Variants in SLC20A2 observed in about 807,000 individuals in gnomAD.
The protein encoded by SLC20A2 is solute carrier family 20 member 2, also known as sodium-dependent phosphate transporter 2.
SLC20A2 carries 30 observed loss-of-function variants against 61.0 expected under a neutral mutation model. The observed-to-expected ratio is 0.49, with a 90% CI of 0.37 to 0.67. The LOEUF is 0.67. Ranked by LOEUF, SLC20A2 falls within the 30% of genes least tolerant of loss-of-function variation. The pLI is 0.00. For synonymous variants in SLC20A2, 351 were observed against 353.3 expected, an observed-to-expected ratio of 0.99 and a Z score of 0.07; for missense variants, 626 against 866.4, an observed-to-expected ratio of 0.72 and a Z score of 3.48.
At chr8:42,508,100 G>T (rs1035113019) in intron 1 of SLC20A2, among the ~76,000 whole-genome samples, 2 of 152,108 alleles carry the variant, frequency 1.3e-5, no homozygotes, top group Admixed American at 6.5e-5. Context: ...GGAGGTAGAG[G>T]CTGCAGTGAG....
intron 1 of SLC20A2, among the ~76,000 whole-genome samples, chr8:42,508,934 G>C (rs548451681): frequency 6.6e-6 from 1 of 152,168 alleles, no homozygotes; most frequent in African/African-American, 2.4e-5. Context: ...CTGCAGCAAG[G>C]CTACCTGGTT....
intron 1 of SLC20A2, among the ~76,000 whole-genome samples, chr8:42,489,355 A>T (rs1563517298): frequency 6.6e-6 from 1 of 152,072 alleles, no homozygotes; most frequent in Non-Finnish European, 1.5e-5. Context: ...CTTTGAACGT[A>T]CGTGTAATGG....
At chr8:42,475,128 T>TG (rs1377696489) in intron 1 of SLC20A2, among the ~76,000 whole-genome samples, 1 of 151,444 alleles carries the variant, frequency 6.6e-6, no homozygotes, top group Non-Finnish European at 1.5e-5. Context: ...TTTCCTTTTT[T>TG]TTGCTCTGTC....
intron 1 of SLC20A2, among the ~76,000 whole-genome samples, chr8:42,474,011 A>C (rs1807859575): frequency 6.6e-6 from 1 of 152,016 alleles, no homozygotes; most frequent in Non-Finnish European, 1.5e-5. Context: ...TCTCTACTAA[A>C]ACTACAAAAA....
chr8:42,418,825 C>A (rs1230963662), intron 10 of SLC20A2, among the ~76,000 whole-genome samples: 1 of 151,576 alleles, frequency 6.6e-6, no homozygotes, highest in Non-Finnish European at 1.5e-5. Flanking sequence ...GGTGAAACCC[C>A]GTCTCTACTA....
In SLC20A2 at chr8:42,437,626, T is replaced by TC; in HGVS notation, c.935-50dup. On this transcript the variant is annotated intron_variant, in intron 7 of 10. Transcript: ENST00000520262. The surrounding 1 kb of genome is among the most constrained non-coding windows in gnomAD (Gnocchi z 6.4). ...CATTTTCCAGTCTTTTTTTTTTTTTTCTTTTCTTTTTGAGACGGAGCCTTG... is the reference window on the plus strand; with the variant it reads ...CATTTTCCAGTCTTTTTTTTTTTTTTCCTTTTCTTTTTGAGACGGAGCCTTG... 1 of 1,385,684 alleles carries TC rather than the reference T, an allele frequency of 7.2e-7. No homozygotes were observed. The highest frequency in any genetic ancestry group is 9.7e-7 in the Non-Finnish European group (1 of 1,029,796). 85.8% of individuals were successfully genotyped at this position (1,385,684 alleles called of 1,614,324 possible).
chr8:42,505,893 A>G (rs984463356), upstream of SLC20A2, among the ~76,000 whole-genome samples: 3 of 146,086 alleles, frequency 2.1e-5, no homozygotes, highest in Admixed American at 2.0e-4. Flanking sequence ...TATCTCAAAG[A>G]AAAAAAAAAG....
At chr8:42,452,162 T>TAA (rs1563474136) in intron 5 of SLC20A2, among the ~76,000 whole-genome samples, 3 of 80,424 alleles carry the variant, frequency 3.7e-5, no homozygotes, top group Admixed American at 1.7e-4. Flanking sequence ...GAGGAAGAGA[T>TAA]GGAGGAGGAG....
chr8:42,534,818 T>C (rs1812603674), intron 1 of SLC20A2: 1 of 152,246 alleles, frequency 6.6e-6, no homozygotes, highest in Non-Finnish European at 1.5e-5. Context: ...AGCCAATTTC[T>C]GGGGACCAAC....
intron 2 of SLC20A2, among the ~76,000 whole-genome samples, chr8:42,469,070 CAG>C (rs1408628015): frequency 6.6e-6 from 1 of 151,870 alleles, no homozygotes; most frequent in Non-Finnish European, 1.5e-5. Flanking sequence ...AAGTGACTAA[CAG>C]AGAAAACAAA....
chr8:42,446,684 A>G (rs1406909833), intron 5 of SLC20A2, among the ~76,000 whole-genome samples: 2 of 152,194 alleles, frequency 1.3e-5, no homozygotes, highest in South Asian at 2.1e-4. Flanking sequence ...CATTCCCGTC[A>G]TATCTGTGAA....
At chr8:42,488,249 G>C (rs566624652) in intron 1 of SLC20A2, among the ~76,000 whole-genome samples, 1 of 137,652 alleles carries the variant, frequency 7.3e-6, no homozygotes, top group South Asian at 2.3e-4. Context: ...GCAGCGGCTC[G>C]ATCTCTGCTC....
chr8:42,489,770 C>T (rs907024890), intron 1 of SLC20A2, among the ~76,000 whole-genome samples: 22 of 152,210 alleles, frequency 1.4e-4, no homozygotes, highest in African/African-American at 3.4e-4. Context: ...CCGTAGCCTG[C>T]GGAGTTTCAC....
chr8:42,421,837 G>T (rs557414583), intron 10 of SLC20A2, among the ~76,000 whole-genome samples: 11 of 151,588 alleles, frequency 7.3e-5, no homozygotes, highest in Admixed American at 1.3e-4. Context: ...ATCATCAAAT[G>T]TCTTTTTGGC....
intron 10 of SLC20A2, among the ~76,000 whole-genome samples, chr8:42,427,635 ACT>A (rs1208390935): frequency 6.6e-6 from 1 of 151,978 alleles, no homozygotes; most frequent in Non-Finnish European, 1.5e-5. Context: ...GAAAAAACAA[ACT>A]CTTTCCACTG....
At chr8:42,436,558 TC>T (rs1292172793) in intron 8 of SLC20A2, among the ~76,000 whole-genome samples, 3 of 152,142 alleles carry the variant, frequency 2.0e-5, no homozygotes, top group Non-Finnish European at 2.9e-5. Context: ...GGCTCCCCTC[TC>T]GAGGCGAGGC....
chr8:42,463,396 G>T lies in SLC20A2; in HGVS notation c.431-306C>A, dbSNP rs536211263. ...CAGCATCCTGAGTCCTGCCTCCCAC[G>T]GAGTCTTTCTGCCTGCCCTTCTTAT... On this transcript the variant is annotated intron_variant, in intron 3 of 10. Transcript: ENST00000520262. The T allele has an allele frequency of 5.7e-5, 12 of 210,394 alleles. No individual in the cohort carries two copies. In the East Asian group the frequency reaches 1.3e-3, roughly 22 times the overall value. The allele number at this position is 210,394 out of a possible 1,614,324, so 13.0% of individuals were successfully genotyped here. A position where few individuals can be genotyped will look rare whatever the true frequency, so the allele number is the denominator to read the frequency against.
At chr8:42,483,483 T>G (rs1002674203) in intron 1 of SLC20A2, among the ~76,000 whole-genome samples, 15 of 152,154 alleles carry the variant, frequency 9.9e-5, no homozygotes, top group Non-Finnish European at 4.4e-5. Flanking sequence ...TCCCCAGCAG[T>G]AGAGACTTTT....
intron 1 of SLC20A2, chr8:42,537,430 T>C (rs977631451): frequency 1.3e-5 from 2 of 148,318 alleles, no homozygotes; most frequent in African/African-American, 5.0e-5. Flanking sequence ...CAGAAGTGTA[T>C]AGGAAACCTT....
Sources: allele counts gnomAD v4.1 joint callset (sites outside exome capture counted in the v4.1 genomes callset), GRCh38; gene constraint gnomAD v4.1.1; non-coding constraint Gnocchi (gnomAD v3.1); transcripts MANE v1.5; gene names NCBI Gene and HGNC (gene_info 2026-07-23, HGNC 2026-07-21).